Variants in FARP1 observed in about 807,000 individuals in gnomAD.
The protein encoded by FARP1 is FERM, ARHGEF and pleckstrin domain-containing protein 1.
FARP1 carries 52 observed loss-of-function variants against 128.8 expected under a neutral mutation model. The observed-to-expected ratio is 0.40, with a 90% CI of 0.32 to 0.51. The LOEUF (loss-of-function observed/expected upper bound fraction) is 0.51, where lower values mean the gene tolerates loss of function less well. Ranked by LOEUF, FARP1 falls within the 20% of genes least tolerant of loss-of-function variation. FARP1 has a pLI of 0.45. For synonymous variants in FARP1, 580 were observed against 551.8 expected (o/e 1.05, Z -0.72); for missense variants, 1,333 against 1,367.9 (o/e 0.97, Z 0.40).
chr13:98,311,839 T>G (rs1284935406), intron 2 of FARP1, among the ~76,000 whole-genome samples: 2 of 126,884 alleles, frequency 1.6e-5, no homozygotes, highest in East Asian at 2.7e-4. Context: ...TTTGTTTTTT[T>G]TTGTTGTTTT....
chr13:98,318,551 T>C (rs147465016), intron 2 of FARP1, among the ~76,000 whole-genome samples: 50 of 152,358 alleles, frequency 3.3e-4, no homozygotes, highest in Middle Eastern at 3.4e-3. Flanking sequence ...TCAGGGAAGA[T>C]GTGACCAAGG....
At chr13:98,241,452 C>T (rs1354164687) in intron 2 of FARP1, among the ~76,000 whole-genome samples, 1 of 152,198 alleles carries the variant, frequency 6.6e-6, no homozygotes, top group Admixed American at 6.5e-5. Context: ...GGGTCGTGTC[C>T]TGCACATCTG....
rs1027594118 is a variant in FARP1, at chr13:98,453,805, T to C, written c.*5488T>C. On this transcript the variant is annotated 3_prime_UTR_variant, in exon 27 of 27. Coordinates refer to ENST00000319562, the MANE Select transcript of FARP1 (RefSeq NM_005766.4). ...AATAACAGACTAAAAATGGTAATTA[T>C]CTGTATTTACATATATATATTAAAG... The C allele has an allele frequency of 2.1e-5, 3 of 142,416 alleles. No individual in the cohort carries two copies. The highest frequency in any genetic ancestry group is 7.6e-5 in the African/African-American group (3 of 39,432). 8.8% of individuals were successfully genotyped at this position (142,416 alleles called of 1,614,324 possible).
rs539922596 is a variant in FARP1, at chr13:98,327,550, C to T, written c.172-16212C>T. ...AAATCTCAGGCTTCCTTCTCTTGGCCAGATTTTAAAACAATCACATTGAGA... is the reference window on the plus strand; with the variant it reads ...AAATCTCAGGCTTCCTTCTCTTGGCTAGATTTTAAAACAATCACATTGAGA... On this transcript the variant is annotated intron_variant, in intron 2 of 26. Transcript: ENST00000319562. 3.0e-4 allele frequency among the ~76,000 whole-genome samples: 45 copies of T among 152,296 alleles called. No individual in the cohort carries two copies. In the East Asian group the frequency reaches 5.2e-3, roughly 18 times the overall value.
chr13:98,193,308 G>T (rs952160344), intron 1 of FARP1, among the ~76,000 whole-genome samples: 1 of 151,928 alleles, frequency 6.6e-6, no homozygotes, highest in African/African-American at 2.4e-5. Context: ...CACCCGCCTC[G>T]GCCTCCCAAA....
chr13:98,246,025 C>A (rs1426437685), intron 2 of FARP1, among the ~76,000 whole-genome samples: 1 of 151,892 alleles, frequency 6.6e-6, no homozygotes, highest in Non-Finnish European at 1.5e-5. Context: ...AATCTGCCCC[C>A]CTCAGCCTCC....
chr13:98,442,130 C>G (rs376034594), intron 24 of FARP1, among the ~76,000 whole-genome samples: 2 of 152,226 alleles, frequency 1.3e-5, no homozygotes, highest in African/African-American at 2.4e-5. Flanking sequence ...TCTCTGCCCC[C>G]GCGCCCTCTG....
intron 21 of FARP1, among the ~76,000 whole-genome samples, chr13:98,439,644 C>T (rs571469047): frequency 2.6e-5 from 4 of 152,206 alleles, no homozygotes; most frequent in African/African-American, 7.2e-5. Flanking sequence ...TGCCTCCTGT[C>T]CCCCTTGGCA....
intron 2 of FARP1, among the ~76,000 whole-genome samples, chr13:98,335,772 C>A (rs1887712939): frequency 6.6e-6 from 1 of 152,124 alleles, no homozygotes; most frequent in Non-Finnish European, 1.5e-5. Context: ...CATTGTGATG[C>A]CCTAAGATGA....
intron 9 of FARP1, 38 bp downstream of exon 9, chr13:98,388,516 A>G: frequency 6.7e-7 from 1 of 1,496,434 alleles, no homozygotes; most frequent in Non-Finnish European, 9.3e-7. Flanking sequence ...CCGTTGAGCC[A>G]TGGGATGGCG....
intron 6 of FARP1, among the ~76,000 whole-genome samples, chr13:98,379,663 G>A (rs748273083): frequency 8.5e-5 from 13 of 152,084 alleles, no homozygotes; most frequent in Admixed American, 2.0e-4. Context: ...AAATGGTGTC[G>A]TATTTGCATA....
chr13:98,161,523 GTAGTCTT>G (rs2139130247), intron 1 of FARP1, among the ~76,000 whole-genome samples: 1 of 152,080 alleles, frequency 6.6e-6, no homozygotes, highest in African/African-American at 2.4e-5. Flanking sequence ...GGCAGCTTCA[GTAGTCTT>G]TAAGTCAACA....
chr13:98,412,832 G>A (rs867530950), intron 16 of FARP1, among the ~76,000 whole-genome samples: 3 of 152,234 alleles, frequency 2.0e-5, no homozygotes, highest in Middle Eastern at 3.2e-3. Flanking sequence ...GACACATGGG[G>A]AGTTGATTGT....
chr13:98,308,268 G>A (rs1886273888), intron 2 of FARP1, among the ~76,000 whole-genome samples: 1 of 152,120 alleles, frequency 6.6e-6, no homozygotes, highest in Non-Finnish European at 1.5e-5. Flanking sequence ...TCAGGTAGTA[G>A]GTGTTCAGCA....
At chr13:98,393,216 C>G (rs1253365521) in intron 11 of FARP1, among the ~76,000 whole-genome samples, 1 of 152,156 alleles carries the variant, frequency 6.6e-6, no homozygotes, top group Non-Finnish European at 1.5e-5. Context: ...GTAATTGCCT[C>G]TGTTATAGAA....
intron 13 of FARP1, chr13:98,400,159 A>G (rs1251901103): frequency 6.6e-6 from 1 of 152,254 alleles, no homozygotes; most frequent in African/African-American, 2.4e-5. Context: ...TGAAGATTCA[A>G]GCCAAGCAAT....
chr13:98,296,312 C>A (rs531193399), intron 2 of FARP1, among the ~76,000 whole-genome samples: 3 of 152,230 alleles, frequency 2.0e-5, no homozygotes, highest in Admixed American at 1.3e-4. Flanking sequence ...TGCAGGTACA[C>A]CTTGCCGCCA....
chr13:98,321,493 T>C (rs1352221864), intron 2 of FARP1, among the ~76,000 whole-genome samples: 1 of 152,230 alleles, frequency 6.6e-6, no homozygotes, highest in East Asian at 1.9e-4. Flanking sequence ...GGTTGTGGTA[T>C]GTCATGCTCT....
chr13:98,306,128 C>T (rs755338554), intron 2 of FARP1, among the ~76,000 whole-genome samples: 8 of 152,168 alleles, frequency 5.3e-5, no homozygotes, highest in Non-Finnish European at 1.2e-4. Context: ...CTGATTGCAA[C>T]GTTTGCGCTT....
Sources: allele counts gnomAD v4.1 joint callset (sites outside exome capture counted in the v4.1 genomes callset), GRCh38; gene constraint gnomAD v4.1.1; transcripts MANE v1.5; gene names NCBI Gene and HGNC (gene_info 2026-07-23, HGNC 2026-07-21).